SORBS2: variants seen among roughly 807,000 people sequenced by gnomAD.
SORBS2 encodes sorbin and SH3 domain containing 2, also known as sorbin and SH3 domain-containing protein 2.
SORBS2 carries 46 observed loss-of-function variants against 97.7 expected under a neutral mutation model. The ratio of observed to expected loss-of-function variants is 0.47; its 90% CI spans 0.37 to 0.60. The LOEUF (loss-of-function observed/expected upper bound fraction) is 0.60. Ranked by LOEUF, SORBS2 falls within the 20% of genes least tolerant of loss-of-function variation. SORBS2 has a pLI of 0.00. For missense variants in SORBS2, 1,316 were observed against 1,282.3 expected (o/e 1.03, Z -0.40); for synonymous variants, 476 against 473.4 (o/e 1.01, Z -0.07).
At chr4:185,848,244 C>T (rs2099215662) in intron 1 of SORBS2, among the ~76,000 whole-genome samples, 1 of 152,166 alleles carries the variant, frequency 6.6e-6, no homozygotes. Flanking sequence ...TTCTGGGCTT[C>T]AAGGGTATTC....
At chr4:185,763,088 C>T (rs919469020) in intron 2 of SORBS2, among the ~76,000 whole-genome samples, 1 of 152,152 alleles carries the variant, frequency 6.6e-6, no homozygotes, top group African/African-American at 2.4e-5. Flanking sequence ...ATTCAGGAGG[C>T]TGAGGCAGGA....
At chr4:185,774,697 A>C (rs1346916315) in intron 2 of SORBS2, 4 of 111,182 alleles carry the variant, frequency 3.6e-5, no homozygotes, top group African/African-American at 1.4e-4. Context: ...CAACAATAAC[A>C]AAAACAAAAC....
chr4:185,647,202 G>C (rs1171632479), intron 3 of SORBS2, among the ~76,000 whole-genome samples: 1 of 152,140 alleles, frequency 6.6e-6, no homozygotes, highest in Non-Finnish European at 1.5e-5. Context: ...GTGGGTTGGC[G>C]TGCACCAGAG....
intron 2 of SORBS2, chr4:185,709,948 A>T (rs1251508970): frequency 6.6e-6 from 1 of 151,462 alleles, no homozygotes; most frequent in Non-Finnish European, 1.5e-5. Flanking sequence ...GACTAAGGTG[A>T]CTCACTCTGT....
At chr4:185,737,086 G>C (rs1562214256) in intron 2 of SORBS2, among the ~76,000 whole-genome samples, 2 of 152,148 alleles carry the variant, frequency 1.3e-5, no homozygotes, top group Non-Finnish European at 2.9e-5. Context: ...GGAAGAACTG[G>C]CAATGCTCAC....
At chr4:185,657,383 G>A (rs747242992), upstream of SORBS2, 6 of 1,473,866 alleles carry the variant, frequency 4.1e-6, no homozygotes, top group Admixed American at 2.7e-5. Context: ...TGTGGAGTCT[G>A]TGCACAGCCC....
intron 1 of SORBS2, among the ~76,000 whole-genome samples, chr4:185,806,423 T>C (rs1323961944): frequency 2.7e-5 from 4 of 148,912 alleles, no homozygotes; most frequent in African/African-American, 9.9e-5. Flanking sequence ...GCACAGCTCT[T>C]GGCTAGAATC....
At chr4:185,716,673 C>G (rs575488498) in intron 2 of SORBS2, among the ~76,000 whole-genome samples, 3 of 152,210 alleles carry the variant, frequency 2.0e-5, no homozygotes, top group Admixed American at 6.5e-5. Context: ...TTCTTTACTC[C>G]ACAGATGGTG....
chr4:185,777,300 G>T (rs2153631011), intron 1 of SORBS2, among the ~76,000 whole-genome samples: 1 of 152,148 alleles, frequency 6.6e-6, no homozygotes, highest in South Asian at 2.1e-4. Context: ...ATTTTACTAT[G>T]TCTTAAATAC....
At chr4:185,879,524 A>T (rs1176272865) in intron 1 of SORBS2, among the ~76,000 whole-genome samples, 1 of 152,138 alleles carries the variant, frequency 6.6e-6, no homozygotes, top group South Asian at 2.1e-4. Flanking sequence ...TAGTCCTTTG[A>T]GTATATACCC....
intron 4 of SORBS2, among the ~76,000 whole-genome samples, chr4:185,631,783 C>T (rs1248428614): frequency 8.5e-6 from 1 of 117,552 alleles, no homozygotes; most frequent in Non-Finnish European, 1.9e-5. Flanking sequence ...AAACAAAAAA[C>T]AACAAAAAAA....
intron 1 of SORBS2, among the ~76,000 whole-genome samples, chr4:185,798,444 A>T (rs1182536056): frequency 6.6e-6 from 1 of 152,132 alleles, no homozygotes; most frequent in Non-Finnish European, 1.5e-5. Flanking sequence ...TTAAACAAAG[A>T]AAAAAAGATT....
chr4:185,688,011 C>T (rs1377959196), intron 2 of SORBS2, among the ~76,000 whole-genome samples: 3 of 152,172 alleles, frequency 2.0e-5, no homozygotes, highest in African/African-American at 7.2e-5. Flanking sequence ...TGCAAGATTC[C>T]TGGAAGCTGT....
At chr4:185,829,121 C>G (rs1242118244) in intron 1 of SORBS2, among the ~76,000 whole-genome samples, 4 of 152,206 alleles carry the variant, frequency 2.6e-5, no homozygotes, top group Non-Finnish European at 5.9e-5. Flanking sequence ...TTCTTTTCCT[C>G]TTCAATTGCG....
intron 1 of SORBS2, among the ~76,000 whole-genome samples, chr4:185,929,551 CAG>C (rs1347739848): frequency 4.9e-4 from 69 of 140,028 alleles, no homozygotes; most frequent in African/African-American, 1.8e-3. Context: ...TTTTTTGAGA[CAG>C]AGTCTCACTC....
intron 2 of SORBS2, among the ~76,000 whole-genome samples, chr4:185,691,309 C>T (rs960982911): frequency 2.6e-4 from 39 of 152,112 alleles, no homozygotes; most frequent in African/African-American, 8.5e-4. Context: ...AAGCCATCCT[C>T]CCACCTCAGC....
At chr4:185,952,717 T>TTCCTCACATTATC (rs1200729280) in intron 1 of SORBS2, among the ~76,000 whole-genome samples, 3 of 152,172 alleles carry the variant, frequency 2.0e-5, no homozygotes, top group African/African-American at 7.2e-5. Context: ...AAGAAAGCCA[T>TTCCTCACATTATC]TCCTCACATT....
At chr4:185,927,323 G>A (rs575492544) in intron 1 of SORBS2, among the ~76,000 whole-genome samples, 3 of 151,692 alleles carry the variant, frequency 2.0e-5, no homozygotes, top group Non-Finnish European at 4.4e-5. Context: ...AGAACATGTA[G>A]GTTTGGTACA....
intron 1 of SORBS2, among the ~76,000 whole-genome samples, chr4:185,878,135 C>G (rs1374161668): frequency 6.6e-6 from 1 of 152,008 alleles, no homozygotes; most frequent in Non-Finnish European, 1.5e-5. Context: ...TGCTGTGATA[C>G]TATTTTGTAC....
Sources: allele counts gnomAD v4.1 joint callset (sites outside exome capture counted in the v4.1 genomes callset), GRCh38; gene constraint gnomAD v4.1.1; transcripts MANE v1.5; gene names NCBI Gene and HGNC (gene_info 2026-07-23, HGNC 2026-07-21).